The following FHIT variants were observed in gnomAD, a reference collection of about 807,000 sequenced individuals.
The protein encoded by FHIT is bis(5'-adenosyl)-triphosphatase.
FHIT carries 19 observed loss-of-function variants against 17.9 expected under a neutral mutation model. The observed-to-expected ratio is 1.06, with a 90% confidence interval of 0.74 to 1.56. FHIT has a LOEUF of 1.56. FHIT is among the 40% of genes most tolerant of loss of function. The probability of loss-of-function intolerance (pLI) is 0.00; values close to 1 mark genes in which losing one functional copy is unlikely to be tolerated. For synonymous variants in FHIT, 81 were observed against 69.7 expected, an observed-to-expected ratio of 1.16 and a Z score of -0.81; for missense variants, 248 against 189.2, an observed-to-expected ratio of 1.31 and a Z score of -1.82.
chr3:60,788,202 G>T (rs1024379436), intron 4 of FHIT, among the ~76,000 whole-genome samples: 3 of 152,096 alleles, frequency 2.0e-5, no homozygotes, highest in African/African-American at 7.2e-5. Context: ...TAAGGTGGGA[G>T]GATTACTTGA....
chr3:60,099,978 A>T (rs1241906729), intron 5 of FHIT, among the ~76,000 whole-genome samples: 1 of 152,170 alleles, frequency 6.6e-6, no homozygotes, highest in African/African-American at 2.4e-5. Context: ...TGTGTGTTGA[A>T]TTCTGTTCAA....
intron 5 of FHIT, among the ~76,000 whole-genome samples, chr3:60,070,153 T>C (rs768030380): frequency 6.6e-6 from 1 of 151,988 alleles, no homozygotes; most frequent in Non-Finnish European, 1.5e-5. Context: ...TCACCTGGAG[T>C]GCCCTGGGTC....
chr3:60,530,268 C>T (rs1014181667), intron 5 of FHIT, among the ~76,000 whole-genome samples: 1 of 152,122 alleles, frequency 6.6e-6, no homozygotes, highest in African/African-American at 2.4e-5. Flanking sequence ...GAAGAGAAGG[C>T]AGATAGCAGG....
rs190246877 is a variant in FHIT, at chr3:60,786,402, A to G, written c.-18+35517T>C. 8.7e-4 allele frequency among the ~76,000 whole-genome samples: 132 copies of G among 152,350 alleles called. 2 individuals carry two copies. In the South Asian group the frequency reaches 0.026, roughly 30 times the overall value. ...AATTTTGAAAGTTATTAAGTCACTC[A>G]TAAGGATTTCAGGAAGCACTGCAGT... is the stretch of plus-strand genomic sequence containing the variant. On this transcript the variant is annotated intron_variant, in intron 4 of 9. Transcript: ENST00000492590.
chr3:61,210,697 C>T (rs2039435252), intron 1 of FHIT, among the ~76,000 whole-genome samples: 1 of 152,092 alleles, frequency 6.6e-6, no homozygotes, highest in African/African-American at 2.4e-5. Context: ...TTCCAGGTGC[C>T]ATCTGTCACC....
chr3:60,130,878 C>T (rs1395798043), intron 5 of FHIT, among the ~76,000 whole-genome samples: 1 of 118,034 alleles, frequency 8.5e-6, no homozygotes. Flanking sequence ...GACACGTATA[C>T]ATGTATATAC....
intron 1 of FHIT, among the ~76,000 whole-genome samples, chr3:61,220,521 TC>T (rs1228614000): frequency 6.6e-6 from 1 of 152,168 alleles, no homozygotes; most frequent in African/African-American, 2.4e-5. Context: ...ACATTTAGAG[TC>T]CAGGGAGGTG....
intron 2 of FHIT, among the ~76,000 whole-genome samples, chr3:61,045,069 A>G (rs1242538223): frequency 1.3e-5 from 2 of 152,368 alleles, no homozygotes; most frequent in African/African-American, 4.8e-5. Context: ...AAGAAACTGC[A>G]TCAACTAAGA....
At chr3:60,618,785 GGAA>G (rs2039029034) in intron 4 of FHIT, among the ~76,000 whole-genome samples, 5 of 152,268 alleles carry the variant, frequency 3.3e-5, no homozygotes, top group Admixed American at 3.3e-4. Flanking sequence ...CCTTAAAAGT[GGAA>G]GAAGGAGGCA....
intron 5 of FHIT, among the ~76,000 whole-genome samples, chr3:60,130,716 T>C (rs1257299325): frequency 6.6e-6 from 1 of 151,060 alleles, no homozygotes; most frequent in Non-Finnish European, 1.5e-5. Flanking sequence ...CCTGGCATAT[T>C]TGTTCAAAAT....
chr3:60,025,947 A>C (rs1056317723), intron 5 of FHIT, among the ~76,000 whole-genome samples: 2 of 152,200 alleles, frequency 1.3e-5, no homozygotes, highest in African/African-American at 2.4e-5. Context: ...TCAAGAAAGC[A>C]AACTTTTTCA....
At chr3:59,870,523 T>A (rs1702870111) in intron 8 of FHIT, among the ~76,000 whole-genome samples, 1 of 152,310 alleles carries the variant, frequency 6.6e-6, no homozygotes, top group East Asian at 1.9e-4. Flanking sequence ...CCACTCCTAC[T>A]GGGCTGGCTC....
At chr3:60,024,057 T>C (rs552769487) in intron 5 of FHIT, among the ~76,000 whole-genome samples, 2 of 150,642 alleles carry the variant, frequency 1.3e-5, no homozygotes, top group African/African-American at 2.4e-5. Context: ...GATAGAAAAA[T>C]AAATACAAAC....
At chr3:61,182,836 T>G (rs1389792465) in intron 2 of FHIT, among the ~76,000 whole-genome samples, 1 of 152,176 alleles carries the variant, frequency 6.6e-6, no homozygotes, top group Non-Finnish European at 1.5e-5. Flanking sequence ...ATTATTTATA[T>G]CTGGGGCTGT....
chr3:60,179,975 A>C (rs1701852039), intron 5 of FHIT, among the ~76,000 whole-genome samples: 1 of 152,172 alleles, frequency 6.6e-6, no homozygotes. Context: ...TTAGAGCCCA[A>C]CCTTGGAGGC....
At chr3:60,515,711 C>T (rs1160932841) in intron 5 of FHIT, among the ~76,000 whole-genome samples, 2 of 152,064 alleles carry the variant, frequency 1.3e-5, no homozygotes, top group South Asian at 4.1e-4. Context: ...TATTTGAATG[C>T]TTCATATGGA....
At chr3:60,359,843 G>T (rs17062818) in intron 5 of FHIT, among the ~76,000 whole-genome samples, 2,479 of 152,188 alleles carry the variant, frequency 0.016, 63 homozygotes, top group African/African-American at 0.056. Context: ...TATATATCAG[G>T]CTGGCTTTCT....
intron 8 of FHIT, among the ~76,000 whole-genome samples, chr3:59,817,463 C>T (rs1306056268): frequency 6.7e-6 from 1 of 149,224 alleles, no homozygotes; most frequent in Non-Finnish European, 1.5e-5. Context: ...ATCAGGGAGG[C>T]TGAGGCAGGA....
chr3:61,106,712 A>C (rs1576025318), intron 2 of FHIT, among the ~76,000 whole-genome samples: 1 of 152,104 alleles, frequency 6.6e-6, no homozygotes, highest in East Asian at 1.9e-4. Flanking sequence ...CCCAGGCTGG[A>C]GTGAAGTGGC....
Sources: allele counts gnomAD v4.1 joint callset (sites outside exome capture counted in the v4.1 genomes callset), GRCh38; gene constraint gnomAD v4.1.1; transcripts MANE v1.5; gene names NCBI Gene and HGNC (gene_info 2026-07-23, HGNC 2026-07-21).